MBP: variants seen among roughly 807,000 people sequenced by gnomAD.
MBP encodes myelin basic protein, also known as Golli-MBP.
A neutral mutation model predicts 35.8 loss-of-function variants in MBP; 16 were observed. That is an observed-to-expected ratio of 0.45 (90% CI 0.30 to 0.68). The LOEUF (loss-of-function observed/expected upper bound fraction) is 0.68, where lower values mean the gene tolerates loss of function less well. MBP is among the 30% of genes least tolerant of loss of function. The pLI, the probability that MBP is intolerant of heterozygous loss-of-function variation, is 0.08. For synonymous variants in MBP, 143 were observed against 159.6 expected, an observed-to-expected ratio of 0.90 and a Z score of 0.78; for missense variants, 380 against 404.7, an observed-to-expected ratio of 0.94 and a Z score of 0.52.
chr18:77,087,137 C>A (rs545037523), intron 2 of MBP, among the ~76,000 whole-genome samples: 1 of 152,304 alleles, frequency 6.6e-6, no homozygotes, highest in Non-Finnish European at 1.5e-5. Flanking sequence ...ACTGGCAGAG[C>A]CCTTGCCACC....
chr18:76,998,866 GGCTCA>G (rs1407464449), intron 4 of MBP, among the ~76,000 whole-genome samples: 1 of 152,040 alleles, frequency 6.6e-6, no homozygotes, highest in African/African-American at 2.4e-5. Context: ...CCACAAACCC[GGCTCA>G]GCTCAATTGT....
intron 4 of MBP, among the ~76,000 whole-genome samples, chr18:76,999,947 A>G (rs940914113): frequency 6.6e-6 from 1 of 152,180 alleles, no homozygotes; most frequent in Non-Finnish European, 1.5e-5. Context: ...AGGAAGAGCT[A>G]GGATGTCAGT....
intron 3 of MBP, among the ~76,000 whole-genome samples, chr18:77,054,743 G>A (rs1057221906): frequency 6.6e-6 from 1 of 152,104 alleles, no homozygotes; most frequent in African/African-American, 2.4e-5. Context: ...AGCGGCGGGT[G>A]ACACAACCAT....
At chr18:77,042,041 C>T (rs1973030966) in intron 3 of MBP, among the ~76,000 whole-genome samples, 1 of 152,126 alleles carries the variant, frequency 6.6e-6, no homozygotes, top group African/African-American at 2.4e-5. Flanking sequence ...ACTTTCTAGT[C>T]ATCACAAGAA....
chr18:76,981,507 G>A (rs547696297), intron 8 of MBP: 1 of 152,198 alleles, frequency 6.6e-6, no homozygotes, highest in African/African-American at 2.4e-5. Flanking sequence ...ACTTCTTGGG[G>A]GGTTTTCCAA....
At chr18:77,105,761 A>C (rs548067930) in intron 1 of MBP, among the ~76,000 whole-genome samples, 1 of 152,370 alleles carries the variant, frequency 6.6e-6, no homozygotes, top group African/African-American at 2.4e-5. Context: ...TAAAGAAACC[A>C]TGTGAGCACA....
rs150238994 is a variant in MBP at position 76,988,958 on chromosome 18, C to T, written c.682-46G>A. On this transcript the variant is annotated intron_variant, in intron 5 of 8. Coordinates refer to ENST00000355994, the MANE Select transcript of MBP (RefSeq NM_001025101.2). This position sits in a 1 kb window ranked among gnomAD's most constrained non-coding sequence, Gnocchi z 5.2. ...GTGGGCTGCACTGGGAGCCCTGTGC[C>T]GCCGTCCATTTCCTAACGGGCTCCT... is the stretch of plus-strand genomic sequence containing the variant. The T allele has an allele frequency of 1.5e-3, 2,390 of 1,591,556 alleles. 41 individuals carry two copies. The East Asian group carries it at 0.034, about 23-fold the overall frequency.
chr18:77,042,717 G>A (rs1032555924), intron 3 of MBP, among the ~76,000 whole-genome samples: 6 of 152,214 alleles, frequency 3.9e-5, no homozygotes, highest in Non-Finnish European at 7.3e-5. Flanking sequence ...CACAGCGGCC[G>A]GGCCAGGGCC....
rs200267661 is a variant in MBP at position 77,105,239 on chromosome 18, C to T, written c.23G>A (p.Arg8Gln). The change falls in exon 2 of 9, where the codon CGA becomes CAA. Residue 8 changes from arginine (R) to glutamine (Q), a missense_variant. Transcript: ENST00000355994. MGNHAGKRELNAEKASTN... is the reference protein window; with the variant it reads MGNHAGKQELNAEKASTN... ...ACTGGCCTTCTCGGCATTTAATTCT[C>T]GTTTGCCTGCGTGGTTTCCCATCCT... The T allele has an allele frequency of 5.4e-5, 87 of 1,612,374 alleles. No individual in the cohort carries two copies. The highest frequency in any genetic ancestry group is 1.6e-5 in the Non-Finnish European group (19 of 1,178,978).
chr18:77,133,269 T>G (rs1394949052), upstream of MBP, among the ~76,000 whole-genome samples: 1 of 152,074 alleles, frequency 6.6e-6, no homozygotes, highest in African/African-American at 2.4e-5. Flanking sequence ...AGGCACTCCC[T>G]CCCTCCCCTG....
At position 77,101,826 on chromosome 18, in the gene MBP, CG is replaced by C. The variant is rs1178876879; in HGVS notation, c.51+3384del. Among the ~76,000 whole-genome samples the C allele has an allele frequency of 2.0e-5, 3 of 152,160 alleles. No homozygotes were observed. The highest frequency in any genetic ancestry group is 4.8e-5 in the African/African-American group (2 of 41,446). On this transcript the variant is annotated intron_variant, in intron 2 of 8. Coordinates refer to ENST00000355994, the MANE Select transcript of MBP (RefSeq NM_001025101.2). This position sits in a 1 kb window ranked among gnomAD's most constrained non-coding sequence, Gnocchi z 4.3. ...ACTGGAAGCTCCTGCAGGCAACAGA[CG>C]AGGCCTCCCCACCACCTCCCCAGCA... is the stretch of plus-strand genomic sequence containing the variant.
chr18:77,073,653 T>A (rs2144861126), intron 2 of MBP, among the ~76,000 whole-genome samples: 1 of 152,334 alleles, frequency 6.6e-6, no homozygotes, highest in Non-Finnish European at 1.5e-5. Context: ...ACTCTCTCTA[T>A]CTTCCTAGCC....
intron 4 of MBP, among the ~76,000 whole-genome samples, chr18:76,996,377 AAATTTT>A (rs1240514674): frequency 1.6e-4 from 25 of 152,256 alleles, no homozygotes; most frequent in Admixed American, 1.4e-3. Context: ...AAAGTAATTT[AAATTTT>A]AATAAAAACT....
Position 77,091,607 on chromosome 18 carries a change from A to C in MBP, c.51+13604T>G, listed in dbSNP as rs769023393. Among the ~76,000 whole-genome samples the C allele has an allele frequency of 1.1e-4, 17 of 150,372 alleles. No individual in the cohort carries two copies. The South Asian group carries it at 1.8e-3, about 16-fold the overall frequency. On this transcript the variant is annotated intron_variant, in intron 2 of 8. Coordinates refer to ENST00000355994, the MANE Select transcript of MBP (RefSeq NM_001025101.2). ...AGAAACCACACACACACACACACACACACCCACCCACCCACACCCCTATAC... is the reference window on the plus strand; with the variant it reads ...AGAAACCACACACACACACACACACCCACCCACCCACCCACACCCCTATAC...
chr18:77,009,993 TC>T, intron 4 of MBP: 1 of 1,092,190 alleles, frequency 9.2e-7, no homozygotes, highest in Non-Finnish European at 1.4e-6. Context: ...CCCAAAGTCC[TC>T]CAGCAAATCT....
At chr18:77,047,033 C>T (rs1038945517) in intron 3 of MBP, among the ~76,000 whole-genome samples, 4 of 152,072 alleles carry the variant, frequency 2.6e-5, no homozygotes, top group Admixed American at 2.0e-4. Flanking sequence ...GAATGGTGTT[C>T]GATAAACACC....
At chr18:77,054,002 G>A (rs1973622447) in intron 3 of MBP, among the ~76,000 whole-genome samples, 5 of 152,228 alleles carry the variant, frequency 3.3e-5, no homozygotes, top group Admixed American at 6.5e-5. Context: ...TCGAGGTGGG[G>A]CCACATGATG....
At chr18:77,111,375 T>C (rs1379829886) in intron 1 of MBP, among the ~76,000 whole-genome samples, 1 of 152,200 alleles carries the variant, frequency 6.6e-6, no homozygotes, top group Non-Finnish European at 1.5e-5. Flanking sequence ...CCATGTAGAA[T>C]TCAGGTAGAG....
At chr18:76,996,638 T>A (rs546531252) in intron 4 of MBP, among the ~76,000 whole-genome samples, 4 of 152,032 alleles carry the variant, frequency 2.6e-5, no homozygotes, top group Admixed American at 1.3e-4. Context: ...TCATACTGTG[T>A]GGTCTTATTT....
Sources: allele counts gnomAD v4.1 joint callset (sites outside exome capture counted in the v4.1 genomes callset), GRCh38; gene constraint gnomAD v4.1.1; non-coding constraint Gnocchi (gnomAD v3.1); transcripts MANE v1.5; gene names NCBI Gene and HGNC (gene_info 2026-07-23, HGNC 2026-07-21).